Variants in ZNF724 observed in about 807,000 individuals in gnomAD.
ZNF724 encodes zinc finger protein 724, also known as zinc finger protein 724 pseudogene.
Under a neutral mutation model 29.3 loss-of-function variants are expected in ZNF724, and 14 were observed. The ratio of observed to expected loss-of-function variants is 0.48; its 90% CI spans 0.32 to 0.75. ZNF724 has a LOEUF of 0.75. ZNF724 is among the 30% of genes least tolerant of loss of function. The pLI is 0.04. For missense variants in ZNF724, 557 were observed against 571.2 expected (o/e 0.98, Z 0.25); for synonymous variants, 180 against 193.6 (o/e 0.93, Z 0.58).
rs963180597 is a variant in ZNF724 at position 23,222,239 on chromosome 19, T to C, written c.*146A>G. The C allele has an allele frequency of 4.8e-5, 29 of 598,128 alleles. No homozygotes were observed. Among genetic ancestry groups the C allele is most frequent in the African/African-American group, 7.4e-5 (4 of 53,880 alleles). 37.1% of individuals were successfully genotyped at this position (598,128 alleles called of 1,614,324 possible). Reference sequence around the variant, plus strand: ...TGAGGTGTTGTCAACTGCACTGTTATATCTTTCAGGTTTGTACGGTTTCTC... The same window carrying C: ...TGAGGTGTTGTCAACTGCACTGTTACATCTTTCAGGTTTGTACGGTTTCTC... On this transcript the variant is annotated 3_prime_UTR_variant, in exon 4 of 4. Coordinates refer to ENST00000418100, the MANE Select transcript of ZNF724 (RefSeq NM_001355404.2).
chr19:23,232,219 C>T lies in ZNF724; in HGVS notation c.78G>A (p.Gln26=), dbSNP rs766736537. Residue 26 remains glutamine (Q), a synonymous_variant, in exon 2 of 4, where the codon CAG becomes CAA. Transcript: ENST00000418100. ...CTAACATCACGTTCCTATATAAATTCTGCTGTGCAGTGTCCAGGCATTGCC... is the reference window on the plus strand; with the variant it reads ...CTAACATCACGTTCCTATATAAATTTTGCTGTGCAGTGTCCAGGCATTGCC... ...EEWQCLDTAQ[Q]NLYRNVMLEN... The T allele has an allele frequency of 2.2e-6, 3 of 1,351,978 alleles. No homozygotes were observed. The highest frequency in any genetic ancestry group is 3.4e-5 in the Admixed American group (2 of 59,628). The allele number at this position is 1,351,978 out of a possible 1,614,324, so 83.7% of individuals were successfully genotyped here.
intron 1 of ZNF724, among the ~76,000 whole-genome samples, chr19:23,246,977 C>T (rs994510076): frequency 6.6e-6 from 1 of 152,114 alleles, no homozygotes; most frequent in Non-Finnish European, 1.5e-5. Context: ...AATCCCAGCA[C>T]TTTGGGAGGC....
intron 1 of ZNF724, among the ~76,000 whole-genome samples, chr19:23,234,908 T>C (rs747424770): frequency 7.9e-5 from 12 of 152,210 alleles, no homozygotes; most frequent in Non-Finnish European, 1.2e-4. Flanking sequence ...ATCATTAGAA[T>C]TGGTTAGAGA....
At chr19:23,245,481 C>T (rs185676729) in intron 1 of ZNF724, among the ~76,000 whole-genome samples, 290 of 152,158 alleles carry the variant, frequency 1.9e-3, no homozygotes, top group African/African-American at 6.5e-3. Flanking sequence ...GGCGTGGTGG[C>T]GGGCGCCAGT....
At chr19:23,239,709 G>C (rs1258053597) in intron 1 of ZNF724, among the ~76,000 whole-genome samples, 1 of 152,126 alleles carries the variant, frequency 6.6e-6, no homozygotes, top group Non-Finnish European at 1.5e-5. Context: ...TACTCGGGAG[G>C]CTGAGGCAGG....
chr19:23,234,371 T>G (rs1469883935), intron 1 of ZNF724, among the ~76,000 whole-genome samples: 1 of 152,172 alleles, frequency 6.6e-6, no homozygotes, highest in Admixed American at 6.5e-5. Flanking sequence ...CCAAGTTACT[T>G]AGAATGGCAA....
rs1212979178 is a variant in ZNF724, at chr19:23,222,930, T to C, written c.1315A>G (p.Thr439Ala). The change falls in exon 4 of 4, where the codon ACA becomes GCA. Residue 439 changes from threonine (T) to alanine (A), a missense_variant. Physicochemically the swap from Thr to Ala is moderately conservative, Grantham distance 58. Around this residue, in one of 3 missense-constraint regions of ZNF724, gnomAD observed 362 missense variants for 295.5 expected, o/e 1.22. Transcript: ENST00000418100. ...KAFNQFSQLT[T>A]HKIIHTGEKP... Reference sequence around the variant, plus strand: ...TCTCCAGTATGAATTATCTTATGTGTAGTAAGTTGTGAGAACTGGTTAAAG... The same window carrying C: ...TCTCCAGTATGAATTATCTTATGTGCAGTAAGTTGTGAGAACTGGTTAAAG... 1 of 1,384,738 alleles carries C rather than the reference T, an allele frequency of 7.2e-7. No homozygotes were observed. Among genetic ancestry groups the C allele is most frequent in the East Asian group, 2.3e-5 (1 of 43,722 alleles). 85.8% of individuals were successfully genotyped at this position (1,384,738 alleles called of 1,614,324 possible).
intron 1 of ZNF724, chr19:23,236,254 T>C (rs1394325210): frequency 6.6e-6 from 1 of 152,234 alleles, no homozygotes; most frequent in African/African-American, 2.4e-5. Flanking sequence ...GCAGCTCACA[T>C]CTTACACGAA....
chr19:23,224,237 C>A (rs563415145), intron 3 of ZNF724, among the ~76,000 whole-genome samples: 4 of 152,124 alleles, frequency 2.6e-5, no homozygotes, highest in African/African-American at 9.6e-5. Flanking sequence ...CTGGTGAGAC[C>A]CATCTTTACT....
chr19:23,232,042 G>C, intron 2 of ZNF724, 125 bp downstream of exon 2: 4 of 913,478 alleles, frequency 4.4e-6, no homozygotes, highest in Non-Finnish European at 6.8e-6. Context: ...TGGCCCCCAA[G>C]ATTTTCTTAG....
chr19:23,232,080 A>G, intron 2 of ZNF724, 87 bp downstream of exon 2: 1 of 1,084,782 alleles, frequency 9.2e-7, no homozygotes, highest in Non-Finnish European at 1.4e-6. Context: ...TCATTTATGC[A>G]AAGATCAATT....
chr19:23,232,941 A>G (rs1392806621), intron 1 of ZNF724, among the ~76,000 whole-genome samples: 1 of 152,172 alleles, frequency 6.6e-6, no homozygotes, highest in Non-Finnish European at 1.5e-5. Context: ...AATTTATACA[A>G]ATCAGCTGCA....
In ZNF724 at chr19:23,239,873, T is replaced by G. The variant is rs1265017053; in HGVS notation, c.4-7580A>C. Among the ~76,000 whole-genome samples, 4 of 147,120 alleles carry G rather than the reference T, an allele frequency of 2.7e-5. No homozygotes were observed. In the East Asian group the frequency reaches 7.7e-4, roughly 28 times the overall value. ...AGCAGAAGACAAGAAATAACCAAAATTAGATCTGAACTGAAGGAGATTTAG... is the reference window on the plus strand; with the variant it reads ...AGCAGAAGACAAGAAATAACCAAAAGTAGATCTGAACTGAAGGAGATTTAG... On this transcript the variant is annotated intron_variant, in intron 1 of 3. Coordinates refer to ENST00000418100, the MANE Select transcript of ZNF724 (RefSeq NM_001355404.2).
chr19:23,246,989 G>A (rs1022436704), intron 1 of ZNF724, among the ~76,000 whole-genome samples: 14 of 152,120 alleles, frequency 9.2e-5, no homozygotes, highest in Non-Finnish European at 1.6e-4. Flanking sequence ...TTGGGAGGCC[G>A]AGGTGGGCGG....
At chr19:23,243,824 G>A (rs1392167259) in intron 1 of ZNF724, among the ~76,000 whole-genome samples, 1 of 151,400 alleles carries the variant, frequency 6.6e-6, no homozygotes, top group African/African-American at 2.4e-5. Flanking sequence ...TTGGGAGGCT[G>A]ATGCAGGAGA....
chr19:23,227,863 A>G (rs1276289892), intron 3 of ZNF724, among the ~76,000 whole-genome samples: 1 of 152,126 alleles, frequency 6.6e-6, no homozygotes, highest in African/African-American at 2.4e-5. Flanking sequence ...TAATTCTGAC[A>G]TATGTGTCAA....
At chr19:23,228,062 G>A (rs1971870526) in intron 3 of ZNF724, among the ~76,000 whole-genome samples, 1 of 152,068 alleles carries the variant, frequency 6.6e-6, no homozygotes. Context: ...ACAGCTATAT[G>A]GTACACTGAG....
intron 3 of ZNF724, among the ~76,000 whole-genome samples, chr19:23,229,771 C>A (rs1971902313): frequency 6.6e-6 from 1 of 151,778 alleles, no homozygotes; most frequent in Non-Finnish European, 1.5e-5. Context: ...CTTTTACCTC[C>A]TGTAACCAGT....
intron 1 of ZNF724, among the ~76,000 whole-genome samples, chr19:23,241,945 T>C (rs948641839): frequency 3.3e-5 from 5 of 152,050 alleles, no homozygotes; most frequent in Admixed American, 1.3e-4. Flanking sequence ...AATCAAACTA[T>C]CCCTGTTTTC....
Sources: allele counts gnomAD v4.1 joint callset (sites outside exome capture counted in the v4.1 genomes callset), GRCh38; gene constraint gnomAD v4.1.1; regional missense constraint gnomAD v4.1.1; transcripts MANE v1.5; gene names NCBI Gene and HGNC (gene_info 2026-07-23, HGNC 2026-07-21).